Variants in NRXN3 observed in about 807,000 individuals in gnomAD.
NRXN3 encodes the protein neurexin III.
Under a neutral mutation model 137.6 loss-of-function variants are expected in NRXN3, and 32 were observed. The ratio of observed to expected loss-of-function variants is 0.23; its 90% confidence interval spans 0.18 to 0.31. The LOEUF is 0.31. Ranked by LOEUF, NRXN3 falls within the 10% of genes least tolerant of loss-of-function variation. The pLI is 1.00. For synonymous variants in NRXN3, 798 were observed against 784.5 expected (o/e 1.02, Z -0.29); for missense variants, 1,574 against 2,062.5 (o/e 0.76, Z 4.59).
At chr14:79,264,418 T>C (rs1185157155) in intron 15 of NRXN3, among the ~76,000 whole-genome samples, 1 of 152,200 alleles carries the variant, frequency 6.6e-6, no homozygotes. Flanking sequence ...CTCACAGTTT[T>C]AGAGGCTGGA....
intron 15 of NRXN3, among the ~76,000 whole-genome samples, chr14:79,232,825 T>C (rs934321345): frequency 2.6e-5 from 4 of 152,196 alleles, no homozygotes; most frequent in Non-Finnish European, 5.9e-5. Context: ...AACTTTCTTC[T>C]ATGTAAAGTT....
At chr14:79,283,115 A>G (rs562412944) in intron 15 of NRXN3, among the ~76,000 whole-genome samples, 22 of 152,200 alleles carry the variant, frequency 1.4e-4, no homozygotes, top group Admixed American at 9.8e-4. Flanking sequence ...GTTTTAAAAA[A>G]TATTTTTGGA....
chr14:78,939,743 G>T (rs1404732964), intron 10 of NRXN3, among the ~76,000 whole-genome samples: 2 of 152,232 alleles, frequency 1.3e-5, no homozygotes. Context: ...GATTGTCTGA[G>T]CTTCATAAAT....
At chr14:79,025,631 G>A (rs2152463665) in intron 15 of NRXN3, among the ~76,000 whole-genome samples, 1 of 152,184 alleles carries the variant, frequency 6.6e-6, no homozygotes, top group South Asian at 2.1e-4. Context: ...CTGTAAACTT[G>A]AAAGGTCTAT....
intron 15 of NRXN3, among the ~76,000 whole-genome samples, chr14:79,423,820 G>A (rs2095616749): frequency 6.6e-6 from 1 of 152,204 alleles, no homozygotes. Context: ...TGGCTCAGAG[G>A]AGACACAAAC....
chr14:79,707,130 A>C (rs567456606), intron 19 of NRXN3, among the ~76,000 whole-genome samples: 1 of 152,126 alleles, frequency 6.6e-6, no homozygotes, highest in Non-Finnish European at 1.5e-5. Context: ...AATTTGAAAA[A>C]ACATTGATGA....
At position 79,614,522 on chromosome 14, in the gene NRXN3, T is replaced by C. The variant is rs180716492; in HGVS notation, c.3445-49256T>C. ...GTAACATTTGATCTACCGCCGAATA[T>C]AGATCCCCTTCCTTCCCTCTTCTAC... On this transcript the variant is annotated intron_variant, in intron 16 of 20. Transcript: ENST00000335750. Among the ~76,000 whole-genome samples, 3 of 152,318 alleles carry C rather than the reference T, an allele frequency of 2.0e-5. No individual in the cohort carries two copies. The East Asian group carries it at 5.8e-4, about 29-fold the overall frequency.
At chr14:78,454,690 A>G (rs905619429) in intron 4 of NRXN3, among the ~76,000 whole-genome samples, 1 of 152,220 alleles carries the variant, frequency 6.6e-6, no homozygotes, top group Non-Finnish European at 1.5e-5. Context: ...GCTATGGTGC[A>G]TAGAAGATGA....
chr14:79,432,754 A>C (rs189359700), intron 15 of NRXN3, among the ~76,000 whole-genome samples: 440 of 152,294 alleles, frequency 2.9e-3, no homozygotes, highest in African/African-American at 9.9e-3. Context: ...AAAAATCATG[A>C]GGTCTTCTGT....
intron 14 of NRXN3, among the ~76,000 whole-genome samples, chr14:78,974,776 AT>A (rs1237673133): frequency 6.6e-6 from 1 of 152,058 alleles, no homozygotes; most frequent in East Asian, 1.9e-4. Flanking sequence ...GGTGTGGACT[AT>A]TACTCACAAG....
intron 6 of NRXN3, among the ~76,000 whole-genome samples, chr14:78,660,333 C>A (rs979400711): frequency 1.3e-5 from 2 of 150,130 alleles, no homozygotes; most frequent in Non-Finnish European, 2.9e-5. Flanking sequence ...GATTTTTATT[C>A]CCCTCATTCT....
intron 15 of NRXN3, among the ~76,000 whole-genome samples, chr14:79,276,603 T>C (rs1320939346): frequency 3.9e-5 from 6 of 152,138 alleles, no homozygotes; most frequent in Non-Finnish European, 8.8e-5. Flanking sequence ...CATTAAGGAT[T>C]TATTTTCTCT....
chr14:78,298,529 G>A (rs781198785), intron 4 of NRXN3, among the ~76,000 whole-genome samples: 1 of 152,236 alleles, frequency 6.6e-6, no homozygotes, highest in African/African-American at 2.4e-5. Flanking sequence ...GGAATGAACT[G>A]TGCAGGAAAT....
At chr14:79,387,059 A>G (rs1006618774) in intron 15 of NRXN3, among the ~76,000 whole-genome samples, 3 of 152,164 alleles carry the variant, frequency 2.0e-5, no homozygotes, top group Non-Finnish European at 4.4e-5. Context: ...CTTCATGTCT[A>G]AAACACCAAA....
At chr14:79,282,430 A>C (rs1270582262) in intron 15 of NRXN3, among the ~76,000 whole-genome samples, 1 of 152,176 alleles carries the variant, frequency 6.6e-6, no homozygotes, top group East Asian at 1.9e-4. Context: ...CAGTTACAGC[A>C]GATACTAGTA....
chr14:78,559,800 G>A (rs2096770666), intron 4 of NRXN3, among the ~76,000 whole-genome samples: 1 of 152,232 alleles, frequency 6.6e-6, no homozygotes, highest in Non-Finnish European at 1.5e-5. Flanking sequence ...TAGATGGGAT[G>A]CTGATTGAGT....
chr14:79,867,834 G>A lies in NRXN3; in HGVS notation c.*5870G>A, dbSNP rs1471481930. ...GGTAGGATCACGTGAGTAGGGCCCAGGATAGAAGAGCAGTGTTAGGGTTGC... is the reference window on the plus strand; with the variant it reads ...GGTAGGATCACGTGAGTAGGGCCCAAGATAGAAGAGCAGTGTTAGGGTTGC... On this transcript the variant is annotated 3_prime_UTR_variant, in exon 21 of 21. Transcript: ENST00000335750. The A allele has an allele frequency of 6.6e-6, 1 of 152,220 alleles. No individual in the cohort carries two copies. Among genetic ancestry groups the A allele is most frequent in the Non-Finnish European group, 1.5e-5 (1 of 68,092 alleles). 9.4% of individuals were successfully genotyped at this position (152,220 alleles called of 1,614,324 possible). A position where few individuals can be genotyped will look rare whatever the true frequency, so the allele number is the denominator to read the frequency against.
Position 78,360,846 on chromosome 14 carries a change from C to T in NRXN3, c.757+62986C>T, listed in dbSNP as rs372753478. 5.0e-4 allele frequency among the ~76,000 whole-genome samples: 76 copies of T among 152,248 alleles called. No individual in the cohort carries two copies. In the South Asian group the frequency reaches 0.015, roughly 31 times the overall value. On this transcript the variant is annotated intron_variant, in intron 4 of 20. Transcript: ENST00000335750. ...CAGCTCTCCATGTAGTTAATTGCTC[C>T]TGATGCAGTTACTTGGGAAAGTTGT...
At chr14:78,436,758 G>T (rs1022933090) in intron 4 of NRXN3, among the ~76,000 whole-genome samples, 1 of 152,182 alleles carries the variant, frequency 6.6e-6, no homozygotes, top group Non-Finnish European at 1.5e-5. Flanking sequence ...ATAACCCCCT[G>T]CTGCCTTTCA....
Sources: allele counts gnomAD v4.1 joint callset (sites outside exome capture counted in the v4.1 genomes callset), GRCh38; gene constraint gnomAD v4.1.1; transcripts MANE v1.5; gene names NCBI Gene and HGNC (gene_info 2026-07-23, HGNC 2026-07-21).